The following B3GALT1 variants were observed in gnomAD, a reference collection of about 807,000 sequenced individuals.
B3GALT1 encodes the protein UDP-Gal:betaGlcNAc beta 1,3-galactosyltransferase, polypeptide 1.
Under a neutral mutation model 23.2 loss-of-function variants are expected in B3GALT1, and 10 were observed. That is an observed-to-expected ratio of 0.43 (90% confidence interval 0.27 to 0.73). B3GALT1 has a LOEUF of 0.73. Ranked by LOEUF, B3GALT1 falls within the 30% of genes least tolerant of loss-of-function variation. The probability of loss-of-function intolerance (pLI) is 0.21; values close to 1 mark genes in which losing one functional copy is unlikely to be tolerated. For missense variants in B3GALT1, 299 were observed against 405.4 expected (o/e 0.74, Z 2.25); for synonymous variants, 156 against 141.5 (o/e 1.10, Z -0.73).
intron 3 of B3GALT1, among the ~76,000 whole-genome samples, chr2:167,692,926 T>C (rs1056242471): frequency 4.6e-5 from 7 of 152,068 alleles, no homozygotes; most frequent in Non-Finnish European, 8.8e-5. Flanking sequence ...TCCCCAGATA[T>C]GCAATTCAGG....
intron 3 of B3GALT1, among the ~76,000 whole-genome samples, chr2:167,676,897 C>G (rs1686438526): frequency 6.6e-6 from 1 of 152,128 alleles, no homozygotes; most frequent in Non-Finnish European, 1.5e-5. Context: ...TCTATATAGT[C>G]TTTACTAAGT....
chr2:167,743,041 G>A (rs1234305652), intron 3 of B3GALT1, among the ~76,000 whole-genome samples: 1 of 152,012 alleles, frequency 6.6e-6, no homozygotes, highest in African/African-American at 2.4e-5. Flanking sequence ...CCTTCATGAT[G>A]TACTTTTTCT....
chr2:167,555,958 TC>T (rs1271818178), intron 2 of B3GALT1, among the ~76,000 whole-genome samples: 1 of 152,172 alleles, frequency 6.6e-6, no homozygotes, highest in Non-Finnish European at 1.5e-5. Flanking sequence ...GCCTCACCAT[TC>T]TGTAGCTATT....
In B3GALT1 at chr2:167,432,194, G is replaced by C. The variant is rs1410168018; in HGVS notation, c.-510-57983G>C. On this transcript the variant is annotated intron_variant, in intron 1 of 4. Coordinates refer to ENST00000392690, the MANE Select transcript of B3GALT1 (RefSeq NM_020981.4). ...GGGACTCAGAAAAGTAAAGGAGCAG[G>C]AAATCTGCAGTAATGATGACTGCAG... is the stretch of plus-strand genomic sequence containing the variant. Among the ~76,000 whole-genome samples the C allele has an allele frequency of 2.0e-5, 3 of 152,130 alleles. No individual in the cohort carries two copies. In the South Asian group the frequency reaches 6.2e-4, roughly 32 times the overall value.
chr2:167,678,865 C>G (rs891683828), intron 3 of B3GALT1, among the ~76,000 whole-genome samples: 1 of 152,164 alleles, frequency 6.6e-6, no homozygotes, highest in South Asian at 2.1e-4. Context: ...AGACAGTTTG[C>G]TTCATGTAAT....
At chr2:167,513,993 G>A (rs1243332105) in intron 2 of B3GALT1, among the ~76,000 whole-genome samples, 1 of 152,052 alleles carries the variant, frequency 6.6e-6, no homozygotes, top group African/African-American at 2.4e-5. Flanking sequence ...TGCAAGCTCC[G>A]CCTCCCGGGT....
intron 2 of B3GALT1, among the ~76,000 whole-genome samples, chr2:167,588,046 A>G (rs1204580791): frequency 1.3e-5 from 2 of 152,094 alleles, no homozygotes; most frequent in East Asian, 1.9e-4. Flanking sequence ...ACTGATGAAA[A>G]TTTGCTTACT....
At chr2:167,835,773 C>T (rs1188808411) in intron 4 of B3GALT1, among the ~76,000 whole-genome samples, 2 of 151,686 alleles carry the variant, frequency 1.3e-5, no homozygotes, top group Non-Finnish European at 2.9e-5. Context: ...CTGGGAGGCA[C>T]CCCCAAGTAG....
At chr2:167,571,658 G>C (rs2105400445) in intron 2 of B3GALT1, among the ~76,000 whole-genome samples, 1 of 151,970 alleles carries the variant, frequency 6.6e-6, no homozygotes, top group African/African-American at 2.4e-5. Context: ...TATGGAACAA[G>C]AATTTTAACC....
intron 1 of B3GALT1, among the ~76,000 whole-genome samples, chr2:167,320,131 A>G (rs1432841315): frequency 1.3e-5 from 2 of 151,848 alleles, no homozygotes; most frequent in African/African-American, 4.8e-5. Context: ...TGATATTATG[A>G]ATTTATTAAG....
chr2:167,626,906 T>C (rs908300733), intron 2 of B3GALT1, among the ~76,000 whole-genome samples: 1 of 151,744 alleles, frequency 6.6e-6, no homozygotes, highest in Non-Finnish European at 1.5e-5. Flanking sequence ...ACAAAGTCTC[T>C]TGATCCTAAA....
chr2:167,498,117 A>G (rs908915497), intron 2 of B3GALT1, among the ~76,000 whole-genome samples: 4 of 152,144 alleles, frequency 2.6e-5, no homozygotes. Flanking sequence ...GACATGTTGA[A>G]GAACTGAGGT....
chr2:167,557,637 G>C (rs2105385420), intron 2 of B3GALT1, among the ~76,000 whole-genome samples: 1 of 152,250 alleles, frequency 6.6e-6, no homozygotes, highest in Admixed American at 6.5e-5. Flanking sequence ...AAGTGGTCAT[G>C]GACTGCACCC....
In B3GALT1 at chr2:167,346,755, G is replaced by A. The variant is rs1202751775; in HGVS notation, c.-511+53421G>A. ...TTGTTTGTGTGTGTGTGGGGGGGGG[G>A]TGGTGCGTGTGTGTGTGTGTGCGTG... is the stretch of plus-strand genomic sequence containing the variant. On this transcript the variant is annotated intron_variant, in intron 1 of 4. Transcript: ENST00000392690. Among the ~76,000 whole-genome samples, 11 of 149,586 alleles carry A rather than the reference G, an allele frequency of 7.4e-5. 1 individual carries two copies. The East Asian group carries it at 2.2e-3, about 29-fold the overall frequency.
chr2:167,827,697 G>A (rs568603689), intron 4 of B3GALT1, among the ~76,000 whole-genome samples: 148 of 152,174 alleles, frequency 9.7e-4, no homozygotes, highest in Non-Finnish European at 1.8e-3. Context: ...AAAGTCCTTC[G>A]CAAGCTGTGC....
chr2:167,544,596 C>T (rs1356995282), intron 2 of B3GALT1, among the ~76,000 whole-genome samples: 2 of 152,106 alleles, frequency 1.3e-5, no homozygotes, highest in Non-Finnish European at 2.9e-5. Context: ...TGCACCTGGA[C>T]GGATATTTAA....
At chr2:167,737,347 G>C (rs150412172) in intron 3 of B3GALT1, among the ~76,000 whole-genome samples, 5 of 152,334 alleles carry the variant, frequency 3.3e-5, no homozygotes, top group African/African-American at 1.2e-4. Context: ...AGGTGTTTCT[G>C]ACTACAAAGC....
intron 3 of B3GALT1, among the ~76,000 whole-genome samples, chr2:167,749,247 ATAAC>A (rs1371238636): frequency 6.6e-6 from 1 of 152,200 alleles, no homozygotes; most frequent in Admixed American, 6.5e-5. Context: ...AGCAAAAAAA[ATAAC>A]TAAGCTCTTT....
At chr2:167,813,721 G>T (rs1209199238) in intron 3 of B3GALT1, among the ~76,000 whole-genome samples, 4 of 152,152 alleles carry the variant, frequency 2.6e-5, no homozygotes, top group African/African-American at 7.2e-5. Context: ...TCTGATACAT[G>T]TGCAGCTTTG....
Sources: gnomAD v4.1 joint callset for allele counts (sites outside exome capture counted in the v4.1 genomes callset) on GRCh38, gnomAD v4.1.1 for gene constraint, MANE v1.5 for transcripts, NCBI Gene and HGNC (gene_info 2026-07-23, HGNC 2026-07-21) for gene names.